The following IRAG2 variants were observed in gnomAD, a reference collection of about 807,000 sequenced individuals.
The protein encoded by IRAG2 is lymphoid restricted membrane protein.
IRAG2 carries 45 observed loss-of-function variants against 69.9 expected under a neutral mutation model. The ratio of observed to expected loss-of-function variants is 0.64; its 90% CI spans 0.51 to 0.83. The LOEUF (loss-of-function observed/expected upper bound fraction) is 0.83, where lower values mean the gene tolerates loss of function less well. Ranked by LOEUF, IRAG2 falls within the 40% of genes least tolerant of loss-of-function variation. The pLI, the probability that IRAG2 is intolerant of heterozygous loss-of-function variation, is 0.00. For missense variants in IRAG2, 520 were observed against 587.0 expected (o/e 0.89, Z 1.18); for synonymous variants, 193 against 202.4 (o/e 0.95, Z 0.40).
Position 25,079,408 on chromosome 12 carries a change from T to C in IRAG2, c.82T>C (p.Ser28Pro), listed in dbSNP as rs1278299291. Residue 28 changes from serine (S) to proline (P), a missense_variant, in exon 8 of 22, where the codon TCA becomes CCA. Ser to Pro is a moderately conservative substitution (Grantham distance 74). Transcript: ENST00000556887. ...CTATCTTTTTGGCAGGGAATATTCCTCACTACCATTACCCAGACACACTTC... is the reference window on the plus strand; with the variant it reads ...CTATCTTTTTGGCAGGGAATATTCCCCACTACCATTACCCAGACACACTTC... ...ESLLQSREYS[S>P]LPLPRHTSST... The C allele has an allele frequency of 6.2e-7, 1 of 1,613,814 alleles. No homozygotes were observed. Among genetic ancestry groups the C allele is most frequent in the Non-Finnish European group, 8.5e-7 (1 of 1,179,702 alleles).
At chr12:25,087,180 T>TTTTGTTGTTG (rs1450270058) in intron 10 of IRAG2, among the ~76,000 whole-genome samples, 11 of 125,170 alleles carry the variant, frequency 8.8e-5, no homozygotes, top group African/African-American at 3.4e-4. Flanking sequence ...TTTTTTTTTT[T>TTTTGTTGTTG]TTGTTGAGAC....
chr12:25,004,826 C>T, exon 1 of IRAG2: 1 of 1,232,086 alleles, frequency 8.1e-7, no homozygotes, highest in Middle Eastern at 3.1e-4. Flanking sequence ...AGTACCTTAA[C>T]ACTTGACTTT....
At chr12:25,088,432 T>G (rs996964589) in intron 11 of IRAG2, among the ~76,000 whole-genome samples, 1 of 152,276 alleles carries the variant, frequency 6.6e-6, no homozygotes, top group Non-Finnish European at 1.5e-5. Context: ...TATGCTCTAC[T>G]GTTAGTTCTT....
upstream of IRAG2, chr12:25,052,277 T>C: frequency 5.1e-6 from 2 of 392,876 alleles, no homozygotes; most frequent in Non-Finnish European, 8.9e-6. Flanking sequence ...AGGAAGATGC[T>C]GTCAACCAGG....
At chr12:25,002,575 A>G (rs1944398948), upstream of IRAG2, among the ~76,000 whole-genome samples, 1 of 152,050 alleles carries the variant, frequency 6.6e-6, no homozygotes. Flanking sequence ...TTAAAAACTG[A>G]TTCTAGAATT....
chr12:25,077,758 A>G (rs1267904013), intron 6 of IRAG2, among the ~76,000 whole-genome samples: 1 of 152,170 alleles, frequency 6.6e-6, no homozygotes, highest in Non-Finnish European at 1.5e-5. Flanking sequence ...AACTGGTGTC[A>G]TGAGGGGTTT....
chr12:25,025,151 T>C (rs1314367567), intron 8 of IRAG2, among the ~76,000 whole-genome samples: 2 of 152,194 alleles, frequency 1.3e-5, no homozygotes, highest in African/African-American at 4.8e-5. Flanking sequence ...GCAAAATAGC[T>C]CATGTGGAAC....
At chr12:25,035,281 G>GGGAGA (rs1944694432) in intron 13 of IRAG2, among the ~76,000 whole-genome samples, 1 of 152,184 alleles carries the variant, frequency 6.6e-6, no homozygotes, top group South Asian at 2.1e-4. Context: ...ATGAATGGAA[G>GGGAGA]GGAGACAAAA....
chr12:25,048,287 C>G (rs112765044), upstream of IRAG2, among the ~76,000 whole-genome samples: 18,639 of 151,886 alleles, frequency 0.12, 1,299 homozygotes, highest in East Asian at 0.14. Flanking sequence ...GTCCTTTGCC[C>G]ACTTTTTATT....
At chr12:25,102,410 A>G (rs1948809627) in intron 17 of IRAG2, 169 bp downstream of exon 17, 1 of 601,784 alleles carries the variant, frequency 1.7e-6, no homozygotes, top group African/African-American at 1.9e-5. Flanking sequence ...ATATTTTTGT[A>G]TCAATTAAGT....
intron 10 of IRAG2, among the ~76,000 whole-genome samples, chr12:25,087,068 A>G (rs1947660422): frequency 6.9e-6 from 1 of 144,994 alleles, no homozygotes; most frequent in Admixed American, 7.0e-5. Context: ...ATCCAGTCCT[A>G]CCTCTTCATC....
At chr12:25,076,338 A>G (rs1946687931) in intron 6 of IRAG2, 1 of 840,928 alleles carries the variant, frequency 1.2e-6, no homozygotes, top group Non-Finnish European at 1.4e-6. Flanking sequence ...TAATCAATAA[A>G]TATTTTGTAT....
intron 3 of IRAG2, among the ~76,000 whole-genome samples, chr12:25,063,312 A>G (rs1024159362): frequency 6.6e-6 from 1 of 152,200 alleles, no homozygotes; most frequent in African/African-American, 2.4e-5. Flanking sequence ...TTGGCCTCCC[A>G]AAGTGCTGGG....
At chr12:25,023,246 AT>A in intron 7 of IRAG2, among the ~76,000 whole-genome samples, 1 of 152,094 alleles carries the variant, frequency 6.6e-6, no homozygotes. Context: ...AGCTTGAGAT[AT>A]TTTTTCTTTC....
chr12:25,010,402 A>C (rs1238077822), intron 2 of IRAG2, among the ~76,000 whole-genome samples: 1 of 152,106 alleles, frequency 6.6e-6, no homozygotes, highest in East Asian at 1.9e-4. Flanking sequence ...GCTTAAGCCC[A>C]AGAGATTGAG....
chr12:25,089,641 C>T lies in IRAG2; in HGVS notation c.401C>T (p.Thr134Ile), dbSNP rs1947893252. 2 of 1,601,830 alleles carry T rather than the reference C, an allele frequency of 1.2e-6. No individual in the cohort carries two copies. The highest frequency in any genetic ancestry group is 2.2e-5 in the East Asian group (1 of 44,818). Reference sequence around the variant, plus strand: ...TCTGTGGTTTCCCCTCTTCCTGTAACCACTGTGAAATCGGTTAACCTTAGA... The same window carrying T: ...TCTGTGGTTTCCCCTCTTCCTGTAATCACTGTGAAATCGGTTAACCTTAGA... ...GDSVVSPLPV[T>I]TVKSVNLRQS... The change falls in exon 12 of 22, where the codon ACC (threonine) becomes ATC (isoleucine). Residue 134 changes from threonine (T) to isoleucine (I), a missense_variant. Thr to Ile is a moderately conservative substitution (Grantham distance 89, BLOSUM62 -1). Coordinates refer to ENST00000556887, the MANE Select transcript of IRAG2 (RefSeq NM_001366544.2).
At chr12:25,025,321 A>C (rs1820771960) in intron 8 of IRAG2, among the ~76,000 whole-genome samples, 1 of 152,218 alleles carries the variant, frequency 6.6e-6, no homozygotes, top group Admixed American at 6.5e-5. Context: ...TCTGTGAAAG[A>C]GCCTTCCAGG....
At chr12:25,015,333 T>C (rs1353138652) in intron 4 of IRAG2, 2 of 1,231,544 alleles carry the variant, frequency 1.6e-6, no homozygotes, top group African/African-American at 1.6e-5. Context: ...TTCATAAAAC[T>C]CTTGTATGTG....
chr12:25,050,551 A>C (rs1341990664), upstream of IRAG2, among the ~76,000 whole-genome samples: 1 of 121,184 alleles, frequency 8.3e-6, no homozygotes, highest in African/African-American at 2.8e-5. Context: ...AAACAAACAA[A>C]CAAAAAAAAA....
Sources: allele counts gnomAD v4.1 joint callset (sites outside exome capture counted in the v4.1 genomes callset), GRCh38; gene constraint gnomAD v4.1.1; transcripts MANE v1.5; gene names NCBI Gene and HGNC (gene_info 2026-07-23, HGNC 2026-07-21).